Variants in SCRN1 observed in about 807,000 individuals in gnomAD.
SCRN1 encodes secernin 1.
SCRN1 carries 19 observed loss-of-function variants against 43.3 expected under a neutral mutation model. That is an observed-to-expected ratio of 0.44 (90% CI 0.31 to 0.64). The LOEUF (loss-of-function observed/expected upper bound fraction) is 0.64, where lower values mean the gene tolerates loss of function less well. Ranked by LOEUF, SCRN1 falls within the 30% of genes least tolerant of loss-of-function variation. The pLI is 0.09. For synonymous variants in SCRN1, 183 were observed against 188.9 expected, an observed-to-expected ratio of 0.97 and a Z score of 0.26; for missense variants, 447 against 524.1, an observed-to-expected ratio of 0.85 and a Z score of 1.44.
intron 1 of SCRN1, among the ~76,000 whole-genome samples, chr7:29,984,546 C>T (rs908923951): frequency 9.9e-5 from 15 of 151,572 alleles, no homozygotes; most frequent in Non-Finnish European, 1.8e-4. Flanking sequence ...GAAAAATATG[C>T]AAAATATATA....
intron 5 of SCRN1, among the ~76,000 whole-genome samples, chr7:29,939,694 A>T (rs1179835089): frequency 6.6e-6 from 1 of 152,166 alleles, no homozygotes; most frequent in Non-Finnish European, 1.5e-5. Flanking sequence ...TAGTTTGCAG[A>T]CCCCTGTCCT....
At chr7:29,963,094 A>G (rs539157852) in intron 2 of SCRN1, among the ~76,000 whole-genome samples, 2 of 152,244 alleles carry the variant, frequency 1.3e-5, no homozygotes, top group East Asian at 3.9e-4. Context: ...AAAGCTTTAC[A>G]AAGTGCTTTC....
intron 1 of SCRN1, among the ~76,000 whole-genome samples, chr7:29,978,349 G>A (rs1459105339): frequency 2.0e-5 from 3 of 152,258 alleles, no homozygotes; most frequent in East Asian, 1.9e-4. Flanking sequence ...CCACATTCCC[G>A]CATGATGGCA....
intron 5 of SCRN1, among the ~76,000 whole-genome samples, chr7:29,939,246 C>T (rs1787450113): frequency 6.6e-6 from 1 of 152,038 alleles, no homozygotes; most frequent in Admixed American, 6.6e-5. Context: ...CAGGGTCTCA[C>T]TCTGTCACCC....
intron 1 of SCRN1, among the ~76,000 whole-genome samples, chr7:29,983,286 A>T (rs2127933050): frequency 8.8e-6 from 1 of 114,192 alleles, no homozygotes; most frequent in Admixed American, 1.2e-4. Flanking sequence ...TTAAGACTTT[A>T]TGGTGGGGAC....
intron 3 of SCRN1, among the ~76,000 whole-genome samples, chr7:29,953,340 G>A (rs1306551884): frequency 1.3e-5 from 2 of 152,164 alleles, no homozygotes; most frequent in African/African-American, 4.8e-5. Context: ...GAACAAAGTA[G>A]ATATTCAGTA....
intron 3 of SCRN1, among the ~76,000 whole-genome samples, chr7:29,946,462 A>G (rs913427638): frequency 6.6e-6 from 1 of 152,210 alleles, no homozygotes; most frequent in African/African-American, 2.4e-5. Context: ...CAGGGCCCCA[A>G]CTTGCCCGTG....
At chr7:29,936,055 C>A (rs1470814935) in intron 6 of SCRN1, among the ~76,000 whole-genome samples, 1 of 152,190 alleles carries the variant, frequency 6.6e-6, no homozygotes, top group African/African-American at 2.4e-5. Flanking sequence ...CCCTAAAACA[C>A]AATGTCTTAA....
intron 6 of SCRN1, among the ~76,000 whole-genome samples, chr7:29,931,598 C>T (rs1787155886): frequency 6.6e-6 from 1 of 152,186 alleles, no homozygotes; most frequent in African/African-American, 2.4e-5. Context: ...AAATAAAATA[C>T]TTTTTATGCT....
intron 1 of SCRN1, among the ~76,000 whole-genome samples, chr7:29,978,293 A>G (rs188152438): frequency 1.2e-4 from 18 of 152,336 alleles, no homozygotes; most frequent in African/African-American, 4.3e-4. Flanking sequence ...TGGACACTCA[A>G]ATATTTGGCT....
At chr7:29,927,735 G>T (rs908998581) in intron 6 of SCRN1, among the ~76,000 whole-genome samples, 6 of 152,204 alleles carry the variant, frequency 3.9e-5, no homozygotes, top group Admixed American at 2.6e-4. Context: ...TGGGCTAGAG[G>T]TGAGCTAGGA....
At chr7:29,964,770 C>T (rs1788434557) in intron 2 of SCRN1, among the ~76,000 whole-genome samples, 1 of 151,848 alleles carries the variant, frequency 6.6e-6, no homozygotes, top group South Asian at 2.1e-4. Context: ...GATGAAACCC[C>T]GTTTCTACTA....
At chr7:29,969,841 A>AT in intron 1 of SCRN1, 1 of 456,372 alleles carries the variant, frequency 2.2e-6, no homozygotes, top group South Asian at 1.5e-5. Context: ...TGCCTGCCTG[A>AT]TATCCGAAGC....
intron 4 of SCRN1, among the ~76,000 whole-genome samples, chr7:29,943,504 C>T (rs948249084): frequency 3.3e-5 from 5 of 152,168 alleles, no homozygotes; most frequent in African/African-American, 1.2e-4. Flanking sequence ...AAATGAACTT[C>T]ACTCACAAAG....
Position 29,923,735 on chromosome 7 carries a change from G to A in SCRN1, c.*222C>T, listed in dbSNP as rs1009912492. On this transcript the variant is annotated 3_prime_UTR_variant, in exon 8 of 8. Coordinates refer to ENST00000242059, the MANE Select transcript of SCRN1 (RefSeq NM_014766.5). ...AATTAGTCACACAACCGAACAACAG[G>A]CAACGGGATACATGTTACACTGCAC... 1.2e-5 allele frequency: 6 copies of A among 483,268 alleles called. No homozygotes were observed. The highest frequency in any genetic ancestry group is 2.2e-5 in the Non-Finnish European group (6 of 273,814). 29.9% of individuals were successfully genotyped at this position (483,268 alleles called of 1,614,324 possible).
intron 3 of SCRN1, among the ~76,000 whole-genome samples, chr7:29,954,514 C>T (rs1404484217): frequency 6.6e-6 from 1 of 152,128 alleles, no homozygotes; most frequent in Admixed American, 6.5e-5. Context: ...CTCTCACCCA[C>T]ACCCAAACCC....
chr7:29,962,714 CATAAA>C (rs1245260043), intron 2 of SCRN1, among the ~76,000 whole-genome samples: 19 of 133,398 alleles, frequency 1.4e-4, no homozygotes, highest in African/African-American at 5.4e-4. Flanking sequence ...AATAAAATAA[CATAAA>C]ATAACATAAA....
chr7:29,971,421 C>G (rs1158942196), intron 1 of SCRN1, among the ~76,000 whole-genome samples: 1 of 152,056 alleles, frequency 6.6e-6, no homozygotes, highest in Non-Finnish European at 1.5e-5. Flanking sequence ...TCACTTGAGC[C>G]TGGAAGTTTG....
At chr7:29,947,055 C>T in intron 3 of SCRN1, 2 of 969,684 alleles carry the variant, frequency 2.1e-6, no homozygotes, top group Non-Finnish European at 3.0e-6. Flanking sequence ...TTCACTTTGG[C>T]TGCTACCCCT....
Sources: gnomAD v4.1 joint callset for allele counts (sites outside exome capture counted in the v4.1 genomes callset) on GRCh38, gnomAD v4.1.1 for gene constraint, MANE v1.5 for transcripts, NCBI Gene and HGNC (gene_info 2026-07-23, HGNC 2026-07-21) for gene names.